CAPN5: variants seen among roughly 807,000 people sequenced by gnomAD.
CAPN5 encodes calpain-5.
Under a neutral mutation model 73.0 loss-of-function variants are expected in CAPN5, and 54 were observed. The ratio of observed to expected loss-of-function variants is 0.74; its 90% confidence interval spans 0.59 to 0.93. The LOEUF (loss-of-function observed/expected upper bound fraction) is 0.93, where lower values mean the gene tolerates loss of function less well. Among genes scored for constraint, CAPN5 ranks in the 40% least tolerant of loss-of-function variants. CAPN5 has a pLI of 0.00. For missense variants in CAPN5, 785 were observed against 882.9 expected, an observed-to-expected ratio of 0.89 and a Z score of 1.41; for synonymous variants, 335 against 356.9, an observed-to-expected ratio of 0.94 and a Z score of 0.69.
chr11:77,082,382 G>A (rs1415386509), intron 1 of CAPN5, among the ~76,000 whole-genome samples: 2 of 152,228 alleles, frequency 1.3e-5, no homozygotes, highest in African/African-American at 4.8e-5. Flanking sequence ...CCTAAGCTCA[G>A]GCTCAGAAAG....
intron 2 of CAPN5, chr11:77,087,930 T>C: frequency 6.5e-7 from 1 of 1,536,092 alleles, no homozygotes; most frequent in South Asian, 1.2e-5. Context: ...GCTATGTTTT[T>C]GTTCTTTCCA....
At chr11:77,110,740 C>T (rs782585633) in intron 3 of CAPN5, among the ~76,000 whole-genome samples, 2 of 152,226 alleles carry the variant, frequency 1.3e-5, no homozygotes, top group Admixed American at 6.5e-5. Context: ...TCTCACATGT[C>T]CCATTAGGGA....
Position 77,071,427 on chromosome 11 carries a change from G to T in CAPN5, c.-36+4333G>T, listed in dbSNP as rs558997281. 1.4e-4 allele frequency among the ~76,000 whole-genome samples: 22 copies of T among 152,292 alleles called. No homozygotes were observed. The South Asian group carries it at 4.1e-3, about 29-fold the overall frequency. On this transcript the variant is annotated intron_variant, in intron 1 of 12. Transcript: ENST00000648180. ...AGTGCAGCTCATTTCAGACATTCAC[G>T]CAATAAGCCCAGTGCTTTGCAGGGT...
intron 3 of CAPN5, among the ~76,000 whole-genome samples, chr11:77,111,855 C>T (rs60292958): frequency 0.018 from 2,787 of 151,852 alleles, 87 homozygotes; most frequent in African/African-American, 0.063. Flanking sequence ...GGGAGGCTTC[C>T]TGGAGAAAGA....
chr11:77,067,587 C>G (rs1555032307), intron 1 of CAPN5, among the ~76,000 whole-genome samples: 1 of 150,262 alleles, frequency 6.7e-6, no homozygotes, highest in African/African-American at 2.5e-5. Context: ...GCACTACTCC[C>G]CAGGTTGAAA....
chr11:77,109,280 G>C (rs1291487856), intron 3 of CAPN5, among the ~76,000 whole-genome samples: 6 of 152,104 alleles, frequency 3.9e-5, no homozygotes, highest in African/African-American at 1.2e-4. Flanking sequence ...TTATGAGCAG[G>C]AAGTCTCTTC....
At chr11:77,122,539 C>T (rs1420837429) in intron 11 of CAPN5, 37 bp from the exon 12 acceptor site, 1 of 1,142,118 alleles carries the variant, frequency 8.8e-7, no homozygotes, top group African/African-American at 1.5e-5. Flanking sequence ...CAGCCCCCAC[C>T]CCCACCCTCA....
chr11:77,073,464 G>T (rs150470643), intron 1 of CAPN5, among the ~76,000 whole-genome samples: 1 of 152,316 alleles, frequency 6.6e-6, no homozygotes, highest in African/African-American at 2.4e-5. Flanking sequence ...ATTGCCAGAT[G>T]AAGAACAGCT....
intron 9 of CAPN5, 23 bp from the exon 10 acceptor site, chr11:77,120,690 C>T: frequency 6.3e-7 from 1 of 1,580,184 alleles, no homozygotes; most frequent in South Asian, 1.1e-5. Context: ...TCCGCGTGGC[C>T]CAGCCCCTCC....
intron 8 of CAPN5, among the ~76,000 whole-genome samples, chr11:77,118,743 C>G (rs1555042196): frequency 1.3e-5 from 2 of 152,256 alleles, no homozygotes; most frequent in African/African-American, 4.8e-5. Context: ...CCTCCTCAGT[C>G]TGACCCGTGG....
At chr11:77,092,194 G>C (rs974922715) in intron 2 of CAPN5, among the ~76,000 whole-genome samples, 1 of 152,190 alleles carries the variant, frequency 6.6e-6, no homozygotes, top group Admixed American at 6.5e-5. Flanking sequence ...TCCAGTTTGG[G>C]TGACAGACGA....
chr11:77,083,658 C>T (rs1293517319), intron 1 of CAPN5, among the ~76,000 whole-genome samples: 1 of 152,242 alleles, frequency 6.6e-6, no homozygotes, highest in Non-Finnish European at 1.5e-5. Flanking sequence ...GCCCCTTCCC[C>T]CTCACTCCTC....
At chr11:77,067,272 G>C (rs1555032196) in intron 1 of CAPN5, among the ~76,000 whole-genome samples, 178 bp downstream of exon 1, 1 of 152,012 alleles carries the variant, frequency 6.6e-6, no homozygotes. Flanking sequence ...GGGGGGCGGG[G>C]TCCTGGAGCA....
intron 2 of CAPN5, among the ~76,000 whole-genome samples, chr11:77,089,054 A>G (rs1950121988): frequency 6.6e-6 from 1 of 152,164 alleles, no homozygotes; most frequent in South Asian, 2.1e-4. Context: ...GCCCCAGTGG[A>G]ACCTGCCAAG....
chr11:77,083,328 C>A (rs1950046801), intron 1 of CAPN5, among the ~76,000 whole-genome samples: 1 of 151,642 alleles, frequency 6.6e-6, no homozygotes, highest in African/African-American at 2.4e-5. Flanking sequence ...CGCCTCTTTC[C>A]TTTCCTGTCT....
At chr11:77,104,952 A>G (rs1225813157) in intron 3 of CAPN5, among the ~76,000 whole-genome samples, 2 of 152,042 alleles carry the variant, frequency 1.3e-5, no homozygotes, top group African/African-American at 4.8e-5. Flanking sequence ...TGGGCTGAGC[A>G]CTGGTCCTTT....
chr11:77,072,152 C>T (rs1031055412), intron 1 of CAPN5, among the ~76,000 whole-genome samples: 1 of 152,222 alleles, frequency 6.6e-6, no homozygotes, highest in Admixed American at 6.5e-5. Flanking sequence ...CAATATTTCT[C>T]TACTTCCTCT....
intron 2 of CAPN5, 116 bp from the exon 3 acceptor site, chr11:77,093,566 C>T: frequency 7.1e-7 from 1 of 1,416,182 alleles, no homozygotes. Context: ...AATCACCATG[C>T]TGATGATCAC....
At position 77,120,754 on chromosome 11, in the gene CAPN5, C is replaced by A; in HGVS notation, c.1332C>A (p.His444Gln). 6.2e-7 allele frequency: 1 copy of A among 1,613,746 alleles called. No individual in the cohort carries two copies. Among genetic ancestry groups the A allele is most frequent in the Non-Finnish European group, 8.5e-7 (1 of 1,179,906 alleles). Reference sequence around the variant, plus strand: ...AGTACCGCATGCACAGCCTGCAGCACAAGGCCGCCAGCTCCATCTACATCA... The same window carrying A: ...AGTACCGCATGCACAGCCTGCAGCAAAAGGCCGCCAGCTCCATCTACATCA... ...NRQYRMHSLQHKAASSIYINS... is the reference protein window; with the variant it reads ...NRQYRMHSLQQKAASSIYINS... Residue 444 changes from histidine to glutamine, a missense_variant, in exon 10 of 13, where the codon CAC (histidine) becomes CAA (glutamine). His to Gln is a conservative substitution (Grantham distance 24). Coordinates refer to ENST00000648180, the MANE Select transcript of CAPN5 (RefSeq NM_004055.5).
Sources: gnomAD v4.1 joint callset for allele counts (sites outside exome capture counted in the v4.1 genomes callset) on GRCh38, gnomAD v4.1.1 for gene constraint, MANE v1.5 for transcripts, NCBI Gene and HGNC (gene_info 2026-07-23, HGNC 2026-07-21) for gene names.